The following TRPS1 variants were observed in gnomAD, a reference collection of about 807,000 sequenced individuals.
TRPS1 encodes the protein transcriptional repressor GATA binding 1.
Under a neutral mutation model 101.2 loss-of-function variants are expected in TRPS1, and 6 were observed. The ratio of observed to expected loss-of-function variants is 0.06; its 90% confidence interval spans 0.03 to 0.12. TRPS1 has a LOEUF of 0.12. TRPS1 is among the 10% of genes least tolerant of loss of function. The probability of loss-of-function intolerance (pLI) is 1.00; values close to 1 mark genes in which losing one functional copy is unlikely to be tolerated. For synonymous variants in TRPS1, 578 were observed against 589.8 expected, an observed-to-expected ratio of 0.98 and a Z score of 0.29; for missense variants, 1,363 against 1,567.0, an observed-to-expected ratio of 0.87 and a Z score of 2.20.
intron 5 of TRPS1, among the ~76,000 whole-genome samples, chr8:115,538,400 T>G (rs1335229258): frequency 1.3e-5 from 2 of 152,182 alleles, no homozygotes; most frequent in Non-Finnish European, 2.9e-5. Flanking sequence ...TGGCACATTT[T>G]ACCGACTATC....
Position 115,616,848 on chromosome 8 carries a change from G to C in TRPS1, c.966+2284C>G, listed in dbSNP as rs184048131. 3.2e-4 allele frequency among the ~76,000 whole-genome samples: 48 copies of C among 152,080 alleles called. No homozygotes were observed. In the Middle Eastern group the frequency reaches 0.017, roughly 54 times the overall value. ...AGCCTCCACGAAGTTTAACCACCAA[G>C]GAAAGAATCTCTCAAATAGCATTTC... On this transcript the variant is annotated intron_variant, in intron 3 of 6. Transcript: ENST00000395715.
intron 5 of TRPS1, among the ~76,000 whole-genome samples, chr8:115,483,662 G>A (rs1461074151): frequency 6.6e-6 from 1 of 152,128 alleles, no homozygotes; most frequent in East Asian, 1.9e-4. Context: ...GAAGTGGCAA[G>A]GTCAATATTA....
chr8:115,440,300 G>GT (rs1323462592), intron 5 of TRPS1, among the ~76,000 whole-genome samples: 1 of 152,210 alleles, frequency 6.6e-6, no homozygotes, highest in Non-Finnish European at 1.5e-5. Context: ...AGTAGAAAAT[G>GT]TAAGGAGAGA....
At chr8:115,451,369 G>C (rs1813869192) in intron 5 of TRPS1, among the ~76,000 whole-genome samples, 1 of 151,144 alleles carries the variant, frequency 6.6e-6, no homozygotes, top group Non-Finnish European at 1.5e-5. Context: ...CATTGTGCTA[G>C]GTTCATCATC....
intron 5 of TRPS1, among the ~76,000 whole-genome samples, chr8:115,564,393 T>C (rs1198205987): frequency 1.3e-5 from 2 of 152,042 alleles, no homozygotes; most frequent in African/African-American, 4.8e-5. Context: ...AATTGTACCA[T>C]AGATCACTGG....
chr8:115,498,179 C>A lies in TRPS1; in HGVS notation c.2701-79727G>T, dbSNP rs553307586. On this transcript the variant is annotated intron_variant, in intron 5 of 6. Transcript: ENST00000395715. Reference sequence around the variant, plus strand: ...ATCACTTGAGCCCAGGAGTTTGAGACCAGCTGGGCAAACATGACAAAACCC... The same window carrying A: ...ATCACTTGAGCCCAGGAGTTTGAGAACAGCTGGGCAAACATGACAAAACCC... 2.0e-5 allele frequency among the ~76,000 whole-genome samples: 3 copies of A among 151,986 alleles called. No homozygotes were observed. In the South Asian group the frequency reaches 6.2e-4, roughly 32 times the overall value.
intron 1 of TRPS1, among the ~76,000 whole-genome samples, chr8:115,636,725 C>A (rs1818774970): frequency 6.6e-6 from 1 of 151,790 alleles, no homozygotes; most frequent in Non-Finnish European, 1.5e-5. Flanking sequence ...ACCAGCCTGG[C>A]CAACATGGTG....
chr8:115,525,211 G>A (rs556666118), intron 5 of TRPS1, among the ~76,000 whole-genome samples: 1 of 152,182 alleles, frequency 6.6e-6, no homozygotes, highest in South Asian at 2.1e-4. Context: ...ATGAACATAC[G>A]AGGATTGTAT....
chr8:115,522,129 C>T (rs1161963469), intron 5 of TRPS1, among the ~76,000 whole-genome samples: 4 of 151,794 alleles, frequency 2.6e-5, no homozygotes, highest in African/African-American at 9.7e-5. Flanking sequence ...TGGTGAATTT[C>T]TACGTAAGAT....
intron 1 of TRPS1, among the ~76,000 whole-genome samples, chr8:115,648,327 C>G (rs1377631496): frequency 1.3e-5 from 2 of 152,112 alleles, no homozygotes; most frequent in African/African-American, 2.4e-5. Context: ...GCGCAGCAGC[C>G]GAGGATGAGA....
rs16887561 is a variant in TRPS1, at chr8:115,594,007, G to A, written c.2097-6403C>T. Reference sequence around the variant, plus strand: ...TCATCACAAAACATCCAGATTGACAGTAAGTATCTGCTTAATAACAAAGAA... The same window carrying A: ...TCATCACAAAACATCCAGATTGACAATAAGTATCTGCTTAATAACAAAGAA... On this transcript the variant is annotated intron_variant, in intron 4 of 6. Coordinates refer to ENST00000395715, the MANE Select transcript of TRPS1 (RefSeq NM_014112.5). Among the ~76,000 whole-genome samples, 1,149 of 152,180 alleles carry A rather than the reference G, an allele frequency of 7.6e-3. 20 individuals carry two copies. Among genetic ancestry groups the A allele is most frequent in the African/African-American group, 0.026 (1,077 of 41,538 alleles).
chr8:115,621,877 T>C (rs1040544935), intron 2 of TRPS1, among the ~76,000 whole-genome samples: 2 of 151,526 alleles, frequency 1.3e-5, no homozygotes, highest in African/African-American at 4.9e-5. Flanking sequence ...GATCATGCCA[T>C]TGCACTCCAG....
At chr8:115,573,041 T>C (rs751430814) in intron 5 of TRPS1, among the ~76,000 whole-genome samples, 2 of 151,984 alleles carry the variant, frequency 1.3e-5, no homozygotes, top group Non-Finnish European at 2.9e-5. Context: ...GGAGAGTCGC[T>C]TGAACCCAGG....
At chr8:115,565,119 G>A (rs988759561) in intron 5 of TRPS1, among the ~76,000 whole-genome samples, 1 of 152,096 alleles carries the variant, frequency 6.6e-6, no homozygotes, top group Admixed American at 6.6e-5. Flanking sequence ...GATTTCTGAT[G>A]TGACAACTCT....
At chr8:115,522,568 G>C (rs1212976998) in intron 5 of TRPS1, among the ~76,000 whole-genome samples, 1 of 152,024 alleles carries the variant, frequency 6.6e-6, no homozygotes, top group Non-Finnish European at 1.5e-5. Flanking sequence ...TAAGAGGTGA[G>C]AGCTGACTCA....
At chr8:115,636,394 C>G (rs1818768312) in intron 1 of TRPS1, among the ~76,000 whole-genome samples, 1 of 152,138 alleles carries the variant, frequency 6.6e-6, no homozygotes, top group Non-Finnish European at 1.5e-5. Flanking sequence ...TGGGCAAGGG[C>G]ATTTCAGACT....
intron 5 of TRPS1, among the ~76,000 whole-genome samples, chr8:115,498,437 A>G (rs1310133111): frequency 7.4e-6 from 1 of 135,768 alleles, no homozygotes; most frequent in African/African-American, 2.8e-5. Flanking sequence ...ATATATATAT[A>G]TATATATATA....
At chr8:115,646,128 C>G (rs1263039417) in intron 1 of TRPS1, among the ~76,000 whole-genome samples, 1 of 152,174 alleles carries the variant, frequency 6.6e-6, no homozygotes, top group Non-Finnish European at 1.5e-5. Context: ...ACAGAACAAT[C>G]ATTATCATTA....
At chr8:115,422,714 T>G (rs1027475374) in intron 5 of TRPS1, among the ~76,000 whole-genome samples, 1 of 152,220 alleles carries the variant, frequency 6.6e-6, no homozygotes, top group African/African-American at 2.4e-5. Context: ...TGCTAAGTGC[T>G]GGGGGCAGCT....
Sources: allele counts gnomAD v4.1 joint callset (sites outside exome capture counted in the v4.1 genomes callset), GRCh38; gene constraint gnomAD v4.1.1; transcripts MANE v1.5; gene names NCBI Gene and HGNC (gene_info 2026-07-23, HGNC 2026-07-21).